Variants in NETO1 observed in about 807,000 individuals in gnomAD.
NETO1 encodes neuropilin and tolloid like 1.
In NETO1, 26 loss-of-function variants were observed where a neutral mutation model predicts 61.3. That is an observed-to-expected ratio of 0.42 (90% CI 0.31 to 0.59). NETO1 has a LOEUF of 0.59. Ranked by LOEUF, NETO1 falls within the 20% of genes least tolerant of loss-of-function variation. NETO1 has a pLI of 0.12. For missense variants in NETO1, 531 were observed against 662.8 expected, an observed-to-expected ratio of 0.80 and a Z score of 2.18; for synonymous variants, 225 against 225.8, an observed-to-expected ratio of 1.00 and a Z score of 0.03.
intron 4 of NETO1, among the ~76,000 whole-genome samples, chr18:72,824,474 A>G (rs1359963565): frequency 6.6e-6 from 1 of 152,236 alleles, no homozygotes; most frequent in Admixed American, 6.5e-5. Flanking sequence ...GTGTTCTGGG[A>G]AATACTCATT....
rs188934469 is a variant in NETO1 at position 72,773,820 on chromosome 18, G to A, written c.868+9858C>T. On this transcript the variant is annotated intron_variant, in intron 7 of 10. Coordinates refer to ENST00000327305, the MANE Select transcript of NETO1 (RefSeq NM_138966.5). ...CTTGAGTATTTCTTCCTAGCAGCGTGAGAACAAACTAATACAAGGTGAGAA... is the reference window on the plus strand; with the variant it reads ...CTTGAGTATTTCTTCCTAGCAGCGTAAGAACAAACTAATACAAGGTGAGAA... Among the ~76,000 whole-genome samples, 183 of 152,194 alleles carry A rather than the reference G, an allele frequency of 1.2e-3. 2 individuals are homozygous for A. The highest frequency in any genetic ancestry group is 9.6e-3 in the Admixed American group (146 of 15,274).
intron 4 of NETO1, among the ~76,000 whole-genome samples, chr18:72,818,477 T>C (rs1382941217): frequency 1.3e-5 from 2 of 152,208 alleles, no homozygotes; most frequent in Non-Finnish European, 2.9e-5. Flanking sequence ...ACTAGCACAG[T>C]GGAAAAGGTG....
At chr18:72,814,337 GA>G (rs1221614906) in intron 4 of NETO1, among the ~76,000 whole-genome samples, 1 of 152,048 alleles carries the variant, frequency 6.6e-6, no homozygotes, top group Non-Finnish European at 1.5e-5. Flanking sequence ...TTTGAGAAGA[GA>G]ATGTATATGT....
At chr18:72,859,148 A>G in intron 3 of NETO1, 74 bp from the exon 4 acceptor site, 1 of 1,416,364 alleles carries the variant, frequency 7.1e-7, no homozygotes, top group Non-Finnish European at 9.5e-7. Flanking sequence ...ATTCTATTTC[A>G]GATGTTATTT....
At chr18:72,814,008 A>G (rs1221618643) in intron 4 of NETO1, among the ~76,000 whole-genome samples, 1 of 152,120 alleles carries the variant, frequency 6.6e-6, no homozygotes, top group South Asian at 2.1e-4. Flanking sequence ...TGATGTATTC[A>G]GCAAGCTGAA....
chr18:72,746,342 G>A lies in NETO1; in HGVS notation c.*1837C>T, dbSNP rs914684378. ...ATTAAAGGGCAAAAAAGGAACCATG[G>A]TAATAAATAAACCAGTCAAGCCAAA... On this transcript the variant is annotated 3_prime_UTR_variant, in exon 11 of 11. Transcript: ENST00000327305. 4.6e-5 allele frequency among the ~76,000 whole-genome samples: 7 copies of A among 152,016 alleles called. No individual in the cohort carries two copies. The highest frequency in any genetic ancestry group is 7.4e-5 in the Non-Finnish European group (5 of 67,938).
chr18:72,839,716 A>G (rs2073861673), intron 4 of NETO1, among the ~76,000 whole-genome samples: 1 of 152,210 alleles, frequency 6.6e-6, no homozygotes, highest in Non-Finnish European at 1.5e-5. Flanking sequence ...AAATAGAGTA[A>G]TATCTACATG....
chr18:72,814,532 C>T (rs1471023492), intron 4 of NETO1, among the ~76,000 whole-genome samples: 1 of 151,978 alleles, frequency 6.6e-6, no homozygotes, highest in Non-Finnish European at 1.5e-5. Context: ...TAGGATTGAT[C>T]TAAACCCAGA....
At chr18:72,811,422 T>G (rs1010570119) in intron 4 of NETO1, among the ~76,000 whole-genome samples, 1 of 152,232 alleles carries the variant, frequency 6.6e-6, no homozygotes, top group African/African-American at 2.4e-5. Flanking sequence ...CTGGATGTTT[T>G]GGAATACAAA....
intron 7 of NETO1, among the ~76,000 whole-genome samples, chr18:72,776,177 G>A (rs2071540529): frequency 6.6e-6 from 1 of 152,202 alleles, no homozygotes; most frequent in African/African-American, 2.4e-5. Flanking sequence ...CCAAGGGGAA[G>A]TGGCTATGTG....
intron 7 of NETO1, among the ~76,000 whole-genome samples, chr18:72,768,074 C>T (rs2071224240): frequency 6.6e-6 from 1 of 152,166 alleles, no homozygotes; most frequent in Non-Finnish European, 1.5e-5. Context: ...AACATGTGCT[C>T]TTACACATTG....
At chr18:72,748,253 A>G in intron 10 of NETO1, 89 bp from the exon 11 acceptor site, 2 of 982,722 alleles carry the variant, frequency 2.0e-6, no homozygotes, top group Non-Finnish European at 2.4e-6. Flanking sequence ...GAGCATGGAA[A>G]TGCATTCACC....
chr18:72,866,792 T>G (rs2145709331), intron 1 of NETO1: 1 of 996,234 alleles, frequency 1.0e-6, no homozygotes, highest in South Asian at 4.7e-5. Flanking sequence ...GGGTGGAAGC[T>G]GACCCTCGCC....
At chr18:72,754,366 GAAC>G (rs1212884951) in intron 8 of NETO1, among the ~76,000 whole-genome samples, 1 of 151,916 alleles carries the variant, frequency 6.6e-6, no homozygotes, top group Non-Finnish European at 1.5e-5. Flanking sequence ...ATGGATTAAA[GAAC>G]CCAATGTAAA....
intron 7 of NETO1, among the ~76,000 whole-genome samples, chr18:72,758,025 GA>G (rs2070842241): frequency 1.3e-5 from 2 of 150,568 alleles, no homozygotes; most frequent in Admixed American, 1.3e-4. Flanking sequence ...CTATGAGTTG[GA>G]AAAATTATTA....
intron 4 of NETO1, among the ~76,000 whole-genome samples, chr18:72,852,931 C>G (rs1370541460): frequency 1.3e-5 from 2 of 148,626 alleles, no homozygotes; most frequent in Non-Finnish European, 3.0e-5. Flanking sequence ...CTCCCGGATT[C>G]AAGCAATTCT....
intron 7 of NETO1, among the ~76,000 whole-genome samples, chr18:72,763,514 A>T (rs998697723): frequency 4.6e-5 from 7 of 152,106 alleles, no homozygotes; most frequent in Non-Finnish European, 1.0e-4. Flanking sequence ...TAAAACACCC[A>T]GCTCTGTGCT....
chr18:72,795,795 T>C (rs1397523609), intron 4 of NETO1, among the ~76,000 whole-genome samples: 1 of 152,212 alleles, frequency 6.6e-6, no homozygotes, highest in African/African-American at 2.4e-5. Context: ...TTCAAGTATA[T>C]TATAGGATAT....
At chr18:72,775,308 C>CT (rs1266077206) in intron 7 of NETO1, among the ~76,000 whole-genome samples, 2 of 152,148 alleles carry the variant, frequency 1.3e-5, no homozygotes, top group African/African-American at 4.8e-5. Flanking sequence ...CTAATGTGCA[C>CT]TTGCAAGTTA....
Sources: allele counts gnomAD v4.1 joint callset (sites outside exome capture counted in the v4.1 genomes callset), GRCh38; gene constraint gnomAD v4.1.1; transcripts MANE v1.5; gene names NCBI Gene and HGNC (gene_info 2026-07-23, HGNC 2026-07-21).